The following ENOSF1 variants were observed in gnomAD, a reference collection of about 807,000 sequenced individuals.
ENOSF1 encodes enolase superfamily member 1, also known as mitochondrial enolase superfamily member 1.
Under a neutral mutation model 68.2 loss-of-function variants are expected in ENOSF1, and 73 were observed. That is an observed-to-expected ratio of 1.07 (90% CI 0.89 to 1.30). The LOEUF is 1.30. Ranked by LOEUF, ENOSF1 falls within the 50% of genes most tolerant of loss-of-function variation. The pLI, the probability that ENOSF1 is intolerant of heterozygous loss-of-function variation, is 0.00. For synonymous variants in ENOSF1, 223 were observed against 210.4 expected, an observed-to-expected ratio of 1.06 and a Z score of -0.52; for missense variants, 589 against 554.5, an observed-to-expected ratio of 1.06 and a Z score of -0.62.
At chr18:669,665 A>ATTCT (rs1306140247), downstream of ENOSF1, among the ~76,000 whole-genome samples, 1 of 152,158 alleles carries the variant, frequency 6.6e-6, no homozygotes, top group African/African-American at 2.4e-5. Flanking sequence ...ATTTATACTC[A>ATTCT]TTCTTACACC....
chr18:691,885 C>T (rs1325077983), intron 5 of ENOSF1: 1 of 152,650 alleles, frequency 6.6e-6, no homozygotes, highest in Admixed American at 6.6e-5. Flanking sequence ...TCAGCAGGAG[C>T]TCAGTGGGGA....
intron 11 of ENOSF1, among the ~76,000 whole-genome samples, chr18:681,786 G>A (rs371250046): frequency 2.0e-5 from 3 of 152,204 alleles, no homozygotes; most frequent in East Asian, 1.9e-4. Flanking sequence ...AGTATCCTCC[G>A]GTCTTTGTTT....
At position 693,953 on chromosome 18, in the gene ENOSF1, C is replaced by T. The variant is rs1160761337; in HGVS notation, c.397-45G>A. 19 of 1,602,988 alleles carry T rather than the reference C, an allele frequency of 1.2e-5. 1 individual carries two copies. Among genetic ancestry groups the T allele is most frequent in the Middle Eastern group, 1.7e-4 (1 of 6,060 alleles). On this transcript the variant is annotated intron_variant, in intron 4 of 15. Transcript: ENST00000647584. ...GATTTGTAAGACATATGTGTAAAGT[C>T]CCCATTTTTTCCTGACAGTAAACGC...
Position 712,323 on chromosome 18 carries a change from CGGG to C in ENOSF1, c.84+178_84+180del. 3 of 1,388,718 alleles carry C rather than the reference CGGG, an allele frequency of 2.2e-6. 1 individual carries two copies. Among genetic ancestry groups the C allele is most frequent in the South Asian group, 1.3e-5 (1 of 78,592 alleles). 86.0% of individuals were successfully genotyped at this position (1,388,718 alleles called of 1,614,324 possible). ...CCGGGGCCCGCAGAGCTGCAGTCGG[CGGG>C]GCGGGAGGGACCCGGGCCGCAAGCC... On this transcript the variant is annotated intron_variant, in intron 1 of 15. Coordinates refer to ENST00000647584, the MANE Select transcript of ENOSF1 (RefSeq NM_017512.7).
At chr18:705,870 A>G (rs1022124912) in intron 2 of ENOSF1, among the ~76,000 whole-genome samples, 2 of 151,832 alleles carry the variant, frequency 1.3e-5, no homozygotes, top group African/African-American at 4.8e-5. Context: ...TTGGCTGGGC[A>G]TGGTGGTGGG....
intron 3 of ENOSF1, among the ~76,000 whole-genome samples, chr18:694,799 CTCTCT>C (rs1001695120): frequency 4.3e-5 from 6 of 139,266 alleles, no homozygotes; most frequent in Non-Finnish European, 6.4e-5. Context: ...CTGTGTTTTC[CTCTCT>C]TCTTTCTCTC....
intron 9 of ENOSF1, chr18:686,307 T>A: frequency 6.0e-6 from 2 of 333,010 alleles, no homozygotes; most frequent in African/African-American, 2.1e-5. Flanking sequence ...GAAAAGGAAT[T>A]AAGAACAAAA....
chr18:674,279 A>C lies in ENOSF1; in HGVS notation c.*26T>G, dbSNP rs776549576. The stretch of plus-strand genomic sequence containing the variant: ...AATTTTAAGCCCTTTCACTTCAGAA[A>C]GAAAAAAGTTGTTGGGGCTGAGCAC... On this transcript the variant is annotated 3_prime_UTR_variant, in exon 16 of 16. Transcript: ENST00000647584. 5.9e-6 allele frequency: 9 copies of C among 1,516,692 alleles called. No individual in the cohort carries two copies. The highest frequency in any genetic ancestry group is 4.5e-6 in the Non-Finnish European group (5 of 1,115,358). The allele number at this position is 1,516,692 out of a possible 1,614,324, so 94.0% of individuals were successfully genotyped here. A position where few individuals can be genotyped will look rare whatever the true frequency, so the allele number is the denominator to read the frequency against.
At chr18:689,823 C>T (rs1243973570) in intron 8 of ENOSF1, among the ~76,000 whole-genome samples, 1 of 152,150 alleles carries the variant, frequency 6.6e-6, no homozygotes, top group East Asian at 1.9e-4. Context: ...CAGGACGGGG[C>T]TGGGGACCAG....
In ENOSF1 at chr18:693,890, C is replaced by T. The variant is rs2077453750; in HGVS notation, c.415G>A (p.Val139Met). The change falls in exon 5 of 16, where the codon GTG (valine) becomes ATG (methionine). Residue 139 changes from valine to methionine, a missense_variant. Coordinates refer to ENST00000647584, the MANE Select transcript of ENOSF1 (RefSeq NM_017512.7). ...QEGKPVWKLLVDMDPRMLVSC... is the reference protein window; with the variant it reads ...QEGKPVWKLLMDMDPRMLVSC... ...TTAACAATGCTACTCACCATGTCCA[C>T]AAGTAACTTCCAGACAGGCTTGAAG... 6.2e-7 allele frequency: 1 copy of T among 1,613,934 alleles called. No individual in the cohort carries two copies. Among genetic ancestry groups the T allele is most frequent in the Non-Finnish European group, 8.5e-7 (1 of 1,180,008 alleles).
chr18:675,282 C>T (rs779881693), intron 15 of ENOSF1, 39 bp downstream of exon 15: 4 of 1,524,966 alleles, frequency 2.6e-6, no homozygotes, highest in Admixed American at 1.8e-5. Flanking sequence ...CAGTGGCTGG[C>T]AGCATCTCTT....
chr18:671,067 G>A lies in ENOSF1; in HGVS notation c.*3238C>T, dbSNP rs2075021645. On this transcript the variant is annotated 3_prime_UTR_variant, in exon 16 of 16. Transcript: ENST00000647584. The stretch of plus-strand genomic sequence containing the variant: ...TGGCCCTGTGGTATACGCACTAACA[G>A]ATCTATACAGGTTGTTTGTGATACA... 7.8e-6 allele frequency: 5 copies of A among 644,186 alleles called. No individual in the cohort carries two copies. The highest frequency in any genetic ancestry group is 1.3e-5 in the Non-Finnish European group (5 of 379,168). 39.9% of individuals were successfully genotyped at this position (644,186 alleles called of 1,614,324 possible).
At chr18:692,068 A>C (rs1311470050) in intron 5 of ENOSF1, 3 of 152,242 alleles carry the variant, frequency 2.0e-5, no homozygotes, top group Non-Finnish European at 1.5e-5. Flanking sequence ...TTCTCCTGCC[A>C]AATGGGGATG....
intron 8 of ENOSF1, 127 bp downstream of exon 8, chr18:690,422 G>A (rs1222277523): frequency 1.5e-5 from 16 of 1,043,370 alleles, no homozygotes; most frequent in Middle Eastern, 2.3e-4. Flanking sequence ...TGGTTGGCGT[G>A]AGAAGGAAAA....
downstream of ENOSF1, among the ~76,000 whole-genome samples, chr18:666,960 TG>T (rs2074839960): frequency 8.8e-5 from 2 of 22,630 alleles, no homozygotes; most frequent in African/African-American, 3.9e-4. Context: ...GTGATGGAGA[TG>T]GAGATGGTGA....
At chr18:699,931 T>G (rs1402313075) in intron 2 of ENOSF1, among the ~76,000 whole-genome samples, 1 of 152,128 alleles carries the variant, frequency 6.6e-6, no homozygotes, top group Non-Finnish European at 1.5e-5. Context: ...AATACAAAAA[T>G]TAGCTGGGCA....
In ENOSF1 at chr18:673,582, G is replaced by A; in HGVS notation, c.*723C>T. On this transcript the variant is annotated 3_prime_UTR_variant, in exon 16 of 16. Transcript: ENST00000647584. ...TAAAGAACTCTCCTTAAGTAAACAT[G>A]TGCTGTATTCTGGTTTGGATGCTAC... The A allele has an allele frequency of 5.5e-6, 1 of 180,320 alleles. No individual in the cohort carries two copies. The highest frequency in any genetic ancestry group is 1.2e-5 in the Non-Finnish European group (1 of 84,726). 11.2% of individuals were successfully genotyped at this position (180,320 alleles called of 1,614,324 possible).
Position 682,384 on chromosome 18 carries a change from A to G in ENOSF1, c.876+862T>C, listed in dbSNP as rs147309770. Among the ~76,000 whole-genome samples, 229 of 152,304 alleles carry G rather than the reference A, an allele frequency of 1.5e-3. 2 individuals carry two copies. Among genetic ancestry groups the G allele is most frequent in the African/African-American group, 5.1e-3 (214 of 41,572 alleles). ...GTATCTAAACATACTTAAACATAGG[A>G]AAGGTAATGCGTTGCACCACATTAC... is the stretch of plus-strand genomic sequence containing the variant. On this transcript the variant is annotated intron_variant, in intron 11 of 15. Coordinates refer to ENST00000647584, the MANE Select transcript of ENOSF1 (RefSeq NM_017512.7).
intron 3 of ENOSF1, among the ~76,000 whole-genome samples, chr18:695,333 TTTA>T (rs915066044): frequency 6.6e-6 from 1 of 152,310 alleles, no homozygotes; most frequent in African/African-American, 2.4e-5. Flanking sequence ...GTCATTTTGT[TTTA>T]TTATTAGGAT....
Sources: allele counts gnomAD v4.1 joint callset (sites outside exome capture counted in the v4.1 genomes callset), GRCh38; gene constraint gnomAD v4.1.1; transcripts MANE v1.5; gene names NCBI Gene and HGNC (gene_info 2026-07-23, HGNC 2026-07-21).